Variants in CNTN5 observed in about 807,000 individuals in gnomAD.
The protein encoded by CNTN5 is contactin-5.
In CNTN5, 77 loss-of-function variants were observed where a neutral mutation model predicts 129.1. That is an observed-to-expected ratio of 0.60 (90% confidence interval 0.50 to 0.72). The LOEUF is 0.72. CNTN5 is among the 30% of genes least tolerant of loss of function. CNTN5 has a pLI of 0.00. For missense variants in CNTN5, 1,478 were observed against 1,328.8 expected (o/e 1.11, Z -1.75); for synonymous variants, 509 against 465.6 (o/e 1.09, Z -1.20).
At chr11:100,237,940 T>A (rs913209581) in intron 16 of CNTN5, among the ~76,000 whole-genome samples, 1 of 152,096 alleles carries the variant, frequency 6.6e-6, no homozygotes, top group Admixed American at 6.6e-5. Context: ...ATTAGGAAGA[T>A]GGGAAAAATA....
intron 2 of CNTN5, among the ~76,000 whole-genome samples, chr11:99,441,811 G>A (rs1233501015): frequency 6.6e-6 from 1 of 151,910 alleles, no homozygotes; most frequent in Non-Finnish European, 1.5e-5. Flanking sequence ...TTTTTTAAAT[G>A]CATTGTTATG....
intron 6 of CNTN5, among the ~76,000 whole-genome samples, chr11:99,867,714 G>T (rs1948392485): frequency 6.6e-6 from 1 of 152,084 alleles, no homozygotes; most frequent in African/African-American, 2.4e-5. Context: ...TAATCCAGTA[G>T]AATCTCTCTA....
At chr11:100,087,068 CA>C (rs1340420641) in intron 13 of CNTN5, among the ~76,000 whole-genome samples, 1 of 151,288 alleles carries the variant, frequency 6.6e-6, no homozygotes, top group Non-Finnish European at 1.5e-5. Context: ...TTGGTAAAGT[CA>C]AATATTGATA....
Position 100,308,350 on chromosome 11 carries a change from T to C in CNTN5, c.2621-9T>C. The stretch of plus-strand genomic sequence containing the variant: ...TTTTTATAATTGTGGTTTATTTTCC[T>C]TCATACAGAACCCAGTGCTGCTCCC... On this transcript the variant is annotated splice_polypyrimidine_tract_variant and intron_variant, in intron 20 of 24. Coordinates refer to ENST00000524871, the MANE Select transcript of CNTN5 (RefSeq NM_014361.4). The C allele has an allele frequency of 3.1e-6, 5 of 1,605,268 alleles. No homozygotes were observed. Among genetic ancestry groups the C allele is most frequent in the Non-Finnish European group, 4.3e-6 (5 of 1,176,050 alleles).
intron 1 of CNTN5, among the ~76,000 whole-genome samples, chr11:99,160,416 T>G (rs1173952279): frequency 2.0e-5 from 3 of 152,204 alleles, no homozygotes; most frequent in Non-Finnish European, 4.4e-5. Flanking sequence ...TAAAAGTACC[T>G]CTTTCCATCA....
chr11:100,193,549 C>T lies in CNTN5; in HGVS notation c.1770C>T (p.Val590=). The part of the protein sequence containing the change: ...RTELTVGESI[V]LNCKAIHDAS... ...AATTGACAGTGGGAGAAAGCATTGTCCTTAATTGCAAAGCAATTCACGATG... is the reference window on the plus strand; with the variant it reads ...AATTGACAGTGGGAGAAAGCATTGTTCTTAATTGCAAAGCAATTCACGATG... The change falls in exon 15 of 25, where the codon GTC becomes GTT. Residue 590 remains valine (V), a synonymous_variant. Coordinates refer to ENST00000524871, the MANE Select transcript of CNTN5 (RefSeq NM_014361.4). 1 of 1,610,790 alleles carries T rather than the reference C, an allele frequency of 6.2e-7. No individual in the cohort carries two copies. The highest frequency in any genetic ancestry group is 2.2e-5 in the East Asian group (1 of 44,686).
chr11:99,491,801 T>A (rs545770335), intron 2 of CNTN5, among the ~76,000 whole-genome samples: 2 of 152,242 alleles, frequency 1.3e-5, no homozygotes, highest in East Asian at 3.9e-4. Flanking sequence ...CAGAAAATGG[T>A]TCCCTTGGTC....
intron 8 of CNTN5, among the ~76,000 whole-genome samples, chr11:100,000,883 T>A (rs915751065): frequency 1.3e-5 from 2 of 152,164 alleles, no homozygotes; most frequent in African/African-American, 4.8e-5. Context: ...TGGCCTGAGC[T>A]GTATGTTGAC....
At chr11:99,406,608 A>T (rs1364766788) in intron 2 of CNTN5, among the ~76,000 whole-genome samples, 1 of 152,164 alleles carries the variant, frequency 6.6e-6, no homozygotes, top group Non-Finnish European at 1.5e-5. Flanking sequence ...CGGGTGGCCA[A>T]GCCAGCCAGT....
chr11:99,804,470 C>T (rs1946208034), intron 3 of CNTN5, among the ~76,000 whole-genome samples: 2 of 151,622 alleles, frequency 1.3e-5, no homozygotes. Flanking sequence ...ACATGTCAAT[C>T]CCCTCAATTC....
In CNTN5 at chr11:99,761,714, G is replaced by A. The variant is rs1386526932; in HGVS notation, c.56-57830G>A. On this transcript the variant is annotated intron_variant, in intron 3 of 24. Transcript: ENST00000524871. ...AGTCTTTGCTATTGTGAATAATGCC[G>A]CAATAAACATACGTGTGCATGTGTC... Among the ~76,000 whole-genome samples the A allele has an allele frequency of 4.6e-4, 70 of 150,652 alleles. 1 individual carries two copies. The highest frequency in any genetic ancestry group is 1.3e-3 in the African/African-American group (54 of 40,958).
chr11:99,099,910 C>CA (rs1441119531), intron 1 of CNTN5, among the ~76,000 whole-genome samples: 9 of 152,214 alleles, frequency 5.9e-5, no homozygotes, highest in African/African-American at 2.2e-4. Flanking sequence ...CACCTGAACT[C>CA]AAAGTACCTT....
At chr11:100,009,103 T>G (rs2137511880) in intron 9 of CNTN5, among the ~76,000 whole-genome samples, 1 of 152,234 alleles carries the variant, frequency 6.6e-6, no homozygotes. Flanking sequence ...TCACCCAAAT[T>G]TACCAACCTG....
intron 3 of CNTN5, among the ~76,000 whole-genome samples, chr11:99,802,403 AC>A (rs1946141977): frequency 6.6e-6 from 1 of 152,128 alleles, no homozygotes; most frequent in Non-Finnish European, 1.5e-5. Flanking sequence ...AGGAAGGCTC[AC>A]CTACATGTCC....
chr11:100,308,326 T>G lies in CNTN5; in HGVS notation c.2621-33T>G, dbSNP rs747825028. On this transcript the variant is annotated intron_variant, in intron 20 of 24. Coordinates refer to ENST00000524871, the MANE Select transcript of CNTN5 (RefSeq NM_014361.4). ...CGCAATACTTTGATGGACATAAACT[T>G]TTTATAATTGTGGTTTATTTTCCTT... 5 of 1,592,596 alleles carry G rather than the reference T, an allele frequency of 3.1e-6. No individual in the cohort carries two copies. In the South Asian group the frequency reaches 4.6e-5, roughly 15 times the overall value.
At chr11:100,035,198 C>T (rs1485648810) in intron 9 of CNTN5, among the ~76,000 whole-genome samples, 3 of 115,044 alleles carry the variant, frequency 2.6e-5, no homozygotes, top group African/African-American at 1.2e-4. Context: ...TCAATTCCCA[C>T]CTATGAGTGA....
At chr11:100,272,495 G>A (rs569271462) in intron 18 of CNTN5, among the ~76,000 whole-genome samples, 13 of 151,842 alleles carry the variant, frequency 8.6e-5, no homozygotes, top group East Asian at 5.8e-4. Context: ...TCAGAAGGAA[G>A]GAAGGAAGGA....
chr11:99,256,151 A>C (rs1862366019), intron 1 of CNTN5, among the ~76,000 whole-genome samples: 1 of 152,194 alleles, frequency 6.6e-6, no homozygotes, highest in Admixed American at 6.6e-5. Flanking sequence ...AAATAAAATG[A>C]AGTGAAAAAC....
intron 3 of CNTN5, among the ~76,000 whole-genome samples, chr11:99,794,040 G>T (rs1383052283): frequency 6.6e-6 from 1 of 152,068 alleles, no homozygotes; most frequent in African/African-American, 2.4e-5. Context: ...ATTATTATGT[G>T]GTTATCTGCA....
Sources: gnomAD v4.1 joint callset for allele counts (sites outside exome capture counted in the v4.1 genomes callset) on GRCh38, gnomAD v4.1.1 for gene constraint, MANE v1.5 for transcripts, NCBI Gene and HGNC (gene_info 2026-07-23, HGNC 2026-07-21) for gene names.